CAMK1D: variants seen among roughly 807,000 people sequenced by gnomAD.
CAMK1D encodes the protein calcium/calmodulin-dependent protein kinase type 1D.
In CAMK1D, 9 loss-of-function variants were observed where a neutral mutation model predicts 47.7. That is an observed-to-expected ratio of 0.19 (90% CI 0.11 to 0.33). CAMK1D has a LOEUF of 0.33. Among genes scored for constraint, CAMK1D ranks in the 10% least tolerant of loss-of-function variants. The pLI, the probability that CAMK1D is intolerant of heterozygous loss-of-function variation, is 1.00. For missense variants in CAMK1D, 291 were observed against 488.7 expected (o/e 0.60, Z 3.81); for synonymous variants, 184 against 184.9 (o/e 0.99, Z 0.04).
intron 1 of CAMK1D, among the ~76,000 whole-genome samples, chr10:12,506,879 C>T (rs1030225248): frequency 1.3e-5 from 2 of 152,200 alleles, no homozygotes. Flanking sequence ...GACCTGCCAA[C>T]CTCGGGTCAC....
chr10:12,737,956 G>T (rs1363903906), intron 3 of CAMK1D, among the ~76,000 whole-genome samples: 1 of 152,094 alleles, frequency 6.6e-6, no homozygotes, highest in Non-Finnish European at 1.5e-5. Flanking sequence ...GTATAATAAG[G>T]TAATAAAATC....
intron 1 of CAMK1D, among the ~76,000 whole-genome samples, chr10:12,408,544 A>G (rs1467700605): frequency 6.6e-6 from 1 of 152,170 alleles, no homozygotes; most frequent in African/African-American, 2.4e-5. Context: ...TCATGAAAAT[A>G]TTGGAACCAA....
intron 1 of CAMK1D, among the ~76,000 whole-genome samples, chr10:12,521,998 C>CTG (rs61237847): frequency 0.51 from 76,983 of 151,128 alleles, 19,784 homozygotes; most frequent in South Asian, 0.62. Context: ...TATATTTGAA[C>CTG]TAGCTTTTGG....
intron 6 of CAMK1D, among the ~76,000 whole-genome samples, chr10:12,793,685 G>C (rs1169655808): frequency 8.2e-6 from 1 of 122,632 alleles, no homozygotes; most frequent in Non-Finnish European, 1.7e-5. Flanking sequence ...CAAGCTCTCT[G>C]GTATCTTTTC....
chr10:12,622,425 A>G (rs936409413), intron 2 of CAMK1D, among the ~76,000 whole-genome samples: 1 of 151,968 alleles, frequency 6.6e-6, no homozygotes, highest in East Asian at 1.9e-4. Context: ...CGGGAGGCAG[A>G]AAGTAAACTC....
intron 2 of CAMK1D, among the ~76,000 whole-genome samples, chr10:12,595,100 G>A (rs1331074978): frequency 6.6e-6 from 1 of 152,014 alleles, no homozygotes; most frequent in Non-Finnish European, 1.5e-5. Flanking sequence ...CCAACACTAT[G>A]GGAGGCTGAA....
At chr10:12,636,638 T>C (rs895651601) in intron 2 of CAMK1D, among the ~76,000 whole-genome samples, 3 of 152,068 alleles carry the variant, frequency 2.0e-5, no homozygotes, top group African/African-American at 7.2e-5. Context: ...TTATATGCAG[T>C]TTTCGCCAAT....
At chr10:12,548,652 A>G (rs1051002355) in intron 1 of CAMK1D, among the ~76,000 whole-genome samples, 1 of 151,696 alleles carries the variant, frequency 6.6e-6, no homozygotes, top group Non-Finnish European at 1.5e-5. Flanking sequence ...TTTTCTAGAG[A>G]CAGCATTTTG....
chr10:12,378,120 A>C (rs763329524), intron 1 of CAMK1D, among the ~76,000 whole-genome samples: 2 of 152,124 alleles, frequency 1.3e-5, no homozygotes, highest in African/African-American at 4.8e-5. Context: ...CTAGACACCA[A>C]TTATTTCCTG....
intron 1 of CAMK1D, among the ~76,000 whole-genome samples, chr10:12,522,901 G>A (rs1380291885): frequency 3.2e-5 from 3 of 92,780 alleles, no homozygotes; most frequent in Non-Finnish European, 6.8e-5. Flanking sequence ...CGGACGGGGC[G>A]GCTGGCCGGG....
chr10:12,527,863 T>C (rs889748372), intron 1 of CAMK1D, among the ~76,000 whole-genome samples: 1 of 152,262 alleles, frequency 6.6e-6, no homozygotes, highest in Admixed American at 6.5e-5. Flanking sequence ...GTGGGCGGCA[T>C]GGGTTAGTGG....
intron 4 of CAMK1D, among the ~76,000 whole-genome samples, chr10:12,769,356 C>T (rs773054129): frequency 1.3e-5 from 2 of 152,228 alleles, no homozygotes; most frequent in Non-Finnish European, 2.9e-5. Context: ...CCTTCCCTAA[C>T]CCCAGACGTA....
intron 1 of CAMK1D, among the ~76,000 whole-genome samples, chr10:12,398,638 C>G (rs367545623): frequency 6.6e-6 from 1 of 152,128 alleles, no homozygotes; most frequent in Non-Finnish European, 1.5e-5. Context: ...CATGAGCCAC[C>G]GTGCCCAGCC....
intron 3 of CAMK1D, among the ~76,000 whole-genome samples, chr10:12,678,085 G>A (rs1840872618): frequency 6.6e-6 from 1 of 151,898 alleles, no homozygotes; most frequent in Non-Finnish European, 1.5e-5. Context: ...ACTGTATGAA[G>A]TTGCCAGTAC....
chr10:12,356,876 G>A (rs575173816), intron 1 of CAMK1D, among the ~76,000 whole-genome samples: 5 of 152,260 alleles, frequency 3.3e-5, no homozygotes, highest in South Asian at 2.1e-4. Context: ...TTTCTGGTTC[G>A]AACTTGGCCA....
chr10:12,751,929 A>G (rs1836004909), intron 3 of CAMK1D, among the ~76,000 whole-genome samples: 1 of 152,040 alleles, frequency 6.6e-6, no homozygotes, highest in Non-Finnish European at 1.5e-5. Context: ...ATAGACAGGC[A>G]ATATTTGTTT....
chr10:12,652,236 TTTTG>T (rs1839993524), intron 2 of CAMK1D, among the ~76,000 whole-genome samples: 2 of 152,128 alleles, frequency 1.3e-5, no homozygotes, highest in East Asian at 1.9e-4. Context: ...TTATTCTGTT[TTTTG>T]TTTGTTTATT....
chr10:12,680,784 A>C (rs1350182469), intron 3 of CAMK1D, among the ~76,000 whole-genome samples: 1 of 151,726 alleles, frequency 6.6e-6, no homozygotes, highest in East Asian at 1.9e-4. Context: ...TACATCCTAA[A>C]TCCTTGCTCG....
rs369807229 is a variant in CAMK1D, at chr10:12,797,710, C to T, written c.641+6477C>T. 1.6e-4 allele frequency among the ~76,000 whole-genome samples: 25 copies of T among 152,234 alleles called. No homozygotes were observed. The East Asian group carries it at 4.3e-3, about 26-fold the overall frequency. ...TTCCAAGGGTTTTCAGAAAGGACCTCGTCTCCCCATCACATTCTCTGCCGA... is the reference window on the plus strand; with the variant it reads ...TTCCAAGGGTTTTCAGAAAGGACCTTGTCTCCCCATCACATTCTCTGCCGA... On this transcript the variant is annotated intron_variant, in intron 6 of 10. Transcript: ENST00000619168.
Sources: allele counts gnomAD v4.1 joint callset (sites outside exome capture counted in the v4.1 genomes callset), GRCh38; gene constraint gnomAD v4.1.1; transcripts MANE v1.5; gene names NCBI Gene and HGNC (gene_info 2026-07-23, HGNC 2026-07-21).